The following NRXN1 variants were observed in gnomAD, a reference collection of about 807,000 sequenced individuals.
The protein encoded by NRXN1 is neurexin 1, also known as neurexin-1.
A neutral mutation model predicts 150.9 loss-of-function variants in NRXN1; 39 were observed. The ratio of observed to expected loss-of-function variants is 0.26; its 90% CI spans 0.20 to 0.34. NRXN1 has a LOEUF of 0.34. NRXN1 is among the 10% of genes least tolerant of loss of function. The pLI is 1.00. For synonymous variants in NRXN1, 924 were observed against 757.0 expected, an observed-to-expected ratio of 1.22 and a Z score of -3.62; for missense variants, 1,815 against 1,949.9, an observed-to-expected ratio of 0.93 and a Z score of 1.30.
intron 21 of NRXN1, among the ~76,000 whole-genome samples, chr2:49,971,656 T>C (rs1244105518): frequency 6.6e-6 from 1 of 152,176 alleles, no homozygotes; most frequent in Non-Finnish European, 1.5e-5. Flanking sequence ...CTGGAGACTC[T>C]TTCTAAAAAT....
At chr2:49,993,511 A>G (rs1248172786) in intron 21 of NRXN1, among the ~76,000 whole-genome samples, 4 of 152,210 alleles carry the variant, frequency 2.6e-5, no homozygotes, top group Non-Finnish European at 5.9e-5. Flanking sequence ...GTCCAAATCC[A>G]CAGAATGTAC....
At chr2:49,929,760 G>A (rs145356413) in intron 22 of NRXN1, among the ~76,000 whole-genome samples, 43 of 152,012 alleles carry the variant, frequency 2.8e-4, no homozygotes, top group Non-Finnish European at 5.6e-4. Context: ...TTCTATCAAC[G>A]AGTATATAAT....
intron 18 of NRXN1, among the ~76,000 whole-genome samples, chr2:50,124,216 G>C (rs1335922854): frequency 6.6e-6 from 1 of 152,126 alleles, no homozygotes; most frequent in Non-Finnish European, 1.5e-5. Flanking sequence ...TGTAGTCCAT[G>C]AATATGAAGA....
intron 17 of NRXN1, among the ~76,000 whole-genome samples, chr2:50,318,307 G>A (rs1468202801): frequency 3.3e-5 from 5 of 152,058 alleles, no homozygotes; most frequent in African/African-American, 1.2e-4. Flanking sequence ...TAAAAGTTTA[G>A]ATGAGAACAC....
intron 5 of NRXN1, among the ~76,000 whole-genome samples, chr2:50,789,015 A>G (rs1022535791): frequency 4.6e-5 from 7 of 152,166 alleles, no homozygotes; most frequent in African/African-American, 1.7e-4. Context: ...GGGGGAGAAA[A>G]GGGAGACCAG....
In NRXN1 at chr2:50,627,388, TGTGTGTGC is replaced by T. The variant is rs1165852457; in HGVS notation, c.833-3781_833-3774del. Among the ~76,000 whole-genome samples the T allele has an allele frequency of 5.5e-5, 7 of 126,264 alleles. No homozygotes were observed. In the East Asian group the frequency reaches 1.4e-3, roughly 24 times the overall value. The allele number at this position is 126,264 out of a possible 152,430, so 82.8% of individuals were successfully genotyped here. ...GTGTGTGTGTGTGTGTGTGTGTGTG[TGTGTGTGC>T]GCATACTAATAATTATATATGAAAA... On this transcript the variant is annotated intron_variant, in intron 5 of 22. Coordinates refer to ENST00000401669, the MANE Select transcript of NRXN1 (RefSeq NM_001330078.2).
chr2:50,578,876 G>A (rs550937750), intron 8 of NRXN1, among the ~76,000 whole-genome samples: 4 of 152,134 alleles, frequency 2.6e-5, no homozygotes, highest in African/African-American at 7.2e-5. Context: ...GCATTGATGA[G>A]AATATTACAT....
At chr2:50,044,909 T>C (rs6738606) in intron 21 of NRXN1, among the ~76,000 whole-genome samples, 96,749 of 152,076 alleles carry the variant, frequency 0.64, 31,040 homozygotes, top group Middle Eastern at 0.68. Context: ...CACACGTACA[T>C]ACACTGCCTA....
chr2:50,353,687 T>A (rs139938754), intron 17 of NRXN1, among the ~76,000 whole-genome samples: 1 of 152,176 alleles, frequency 6.6e-6, no homozygotes. Context: ...TCATAGGTAC[T>A]TTATGCCAAA....
At chr2:50,719,268 G>T (rs1212417052) in intron 5 of NRXN1, among the ~76,000 whole-genome samples, 1 of 151,608 alleles carries the variant, frequency 6.6e-6, no homozygotes, top group Non-Finnish European at 1.5e-5. Context: ...GCAATGGTTT[G>T]AATGTGGGGG....
intron 21 of NRXN1, among the ~76,000 whole-genome samples, chr2:50,035,590 T>C (rs1052452537): frequency 2.0e-5 from 3 of 152,112 alleles, no homozygotes; most frequent in African/African-American, 7.2e-5. Context: ...TTATTGGCTA[T>C]GATTTGAATA....
chr2:50,978,293 T>A (rs867138831), intron 2 of NRXN1, among the ~76,000 whole-genome samples: 3 of 126,560 alleles, frequency 2.4e-5, no homozygotes, highest in African/African-American at 3.0e-5. Context: ...TATATATATA[T>A]ATATATATAT....
chr2:50,408,837 A>ATCTCTCTCGCTCTCTC (rs2082938018), intron 17 of NRXN1, among the ~76,000 whole-genome samples: 1 of 136,534 alleles, frequency 7.3e-6, no homozygotes. Context: ...ATCAATCTCA[A>ATCTCTCTCGCTCTCTC]TCTCTCTCTC....
At chr2:50,104,031 A>T (rs1264193778) in intron 18 of NRXN1, among the ~76,000 whole-genome samples, 1 of 151,914 alleles carries the variant, frequency 6.6e-6, no homozygotes, top group Non-Finnish European at 1.5e-5. Flanking sequence ...TTGATACCCT[A>T]TATTGTTTGG....
At chr2:50,891,542 C>T (rs1681067625) in intron 5 of NRXN1, among the ~76,000 whole-genome samples, 1 of 152,022 alleles carries the variant, frequency 6.6e-6, no homozygotes, top group Admixed American at 6.6e-5. Context: ...TTGAAAGATT[C>T]TCAACTGCTC....
At chr2:50,176,690 C>A (rs375231540) in intron 18 of NRXN1, among the ~76,000 whole-genome samples, 1 of 152,020 alleles carries the variant, frequency 6.6e-6, no homozygotes, top group East Asian at 1.9e-4. Flanking sequence ...CAGCCTTTTT[C>A]CTAAAGGTAT....
intron 8 of NRXN1, among the ~76,000 whole-genome samples, chr2:50,610,593 A>G (rs1477444981): frequency 7.4e-6 from 1 of 135,838 alleles, no homozygotes; most frequent in Non-Finnish European, 1.6e-5. Context: ...TTACTCATCT[A>G]TGTGCCCCAG....
chr2:50,316,296 C>T (rs1361841199), intron 17 of NRXN1, among the ~76,000 whole-genome samples: 4 of 152,040 alleles, frequency 2.6e-5, no homozygotes, highest in African/African-American at 7.2e-5. Flanking sequence ...TCTATCACCT[C>T]TCCCTCCACT....
intron 18 of NRXN1, among the ~76,000 whole-genome samples, chr2:50,159,211 T>A (rs1041082903): frequency 6.6e-6 from 1 of 152,136 alleles, no homozygotes; most frequent in African/African-American, 2.4e-5. Flanking sequence ...GTTTACAGAA[T>A]TTTACAATCA....
Sources: gnomAD v4.1 joint callset for allele counts (sites outside exome capture counted in the v4.1 genomes callset) on GRCh38, gnomAD v4.1.1 for gene constraint, MANE v1.5 for transcripts, NCBI Gene and HGNC (gene_info 2026-07-23, HGNC 2026-07-21) for gene names.